The following TAS1R2 variants were observed in gnomAD, a reference collection of about 807,000 sequenced individuals.
TAS1R2 encodes taste receptor type 1 member 2.
A neutral mutation model predicts 49.3 loss-of-function variants in TAS1R2; 47 were observed. The ratio of observed to expected loss-of-function variants is 0.95; its 90% CI spans 0.75 to 1.22. The LOEUF (loss-of-function observed/expected upper bound fraction) is 1.22. Among genes scored for constraint, TAS1R2 ranks in the 50% most tolerant of loss-of-function variants. TAS1R2 has a pLI of 0.00. For synonymous variants in TAS1R2, 479 were observed against 467.9 expected (o/e 1.02, Z -0.31); for missense variants, 1,155 against 1,122.1 (o/e 1.03, Z -0.42).
chr1:18,858,003 G>A (rs1934171846), intron 1 of TAS1R2, among the ~76,000 whole-genome samples: 1 of 147,856 alleles, frequency 6.8e-6, no homozygotes, highest in South Asian at 2.2e-4. Context: ...TCACCACCAG[G>A]GCCATCACTG....
exon 1 of TAS1R2, chr1:18,859,520 G>A: frequency 1.9e-6 from 3 of 1,614,182 alleles, no homozygotes; most frequent in South Asian, 1.1e-5. Context: ...GGTGAACAAT[G>A]CCCTTCATGT....
At chr1:18,841,952 G>C in intron 4 of TAS1R2, 100 bp from the exon 5 acceptor site, 3 of 1,129,490 alleles carry the variant, frequency 2.7e-6, no homozygotes, top group Non-Finnish European at 1.2e-6. Flanking sequence ...AGGAAGCCTA[G>C]AAGCCCCCTA....
At position 18,854,412 on chromosome 1, in the gene TAS1R2, G is replaced by C; in HGVS notation, c.1058C>G (p.Thr353Ser). The C allele has an allele frequency of 1.2e-6, 2 of 1,613,990 alleles. No individual in the cohort carries two copies. Among genetic ancestry groups the C allele is most frequent in the East Asian group, 2.2e-5 (1 of 44,876 alleles). ...CTGGTTGCAGGTATAGCTCTGGCTG[G>C]TCCTGCTGAGGGGTGGCGGCCCAGC... The change falls in exon 3 of 6, where the codon ACC becomes AGC. Residue 353 changes from threonine (T) to serine (S), a missense_variant. Physicochemically the swap from Thr to Ser is moderately conservative, Grantham distance 58 (BLOSUM62 1). Coordinates refer to ENST00000375371, the Ensembl canonical transcript of TAS1R2. This position sits in a 1 kb window ranked among gnomAD's most constrained non-coding sequence, Gnocchi z 4.9.
At chr1:18,857,451 G>A (rs767059492) in exon 2 of TAS1R2, 3 of 1,614,216 alleles carry the variant, frequency 1.9e-6, no homozygotes, top group East Asian at 2.2e-5. Context: ...GGATGGGAAG[G>A]AGGTTGTCCT....
At chr1:18,858,346 C>A (rs1040684326) in intron 1 of TAS1R2, 1 of 152,514 alleles carries the variant, frequency 6.6e-6, no homozygotes, top group Admixed American at 6.6e-5. Context: ...AACACCATCA[C>A]CAGCATCACT....
chr1:18,854,651 GACCA>G lies in TAS1R2; in HGVS notation c.815_818del (p.Val272AlafsTer7). Reference sequence around the variant, plus strand: ...ACAGGGTCAGGTCGGGCGAGAACACGACCACGACGCGCGCTGTGCTCTGCTGCAG... The same window carrying G: ...ACAGGGTCAGGTCGGGCGAGAACACGCGACGCGCGCTGTGCTCTGCTGCAG... On this transcript the variant is annotated frameshift_variant, in exon 3 of 6. Transcript: ENST00000375371. LOFTEE classifies it high-confidence loss of function. This position sits in a 1 kb window ranked among gnomAD's most constrained non-coding sequence, Gnocchi z 4.9. 1 of 1,613,990 alleles carries G rather than the reference GACCA, an allele frequency of 6.2e-7. No homozygotes were observed. Among genetic ancestry groups the G allele is most frequent in the Non-Finnish European group, 8.5e-7 (1 of 1,179,994 alleles).
Position 18,854,437 on chromosome 1 carries a change from C to A in TAS1R2, c.1033G>T (p.Ala345Ser). 1 of 1,614,136 alleles carries A rather than the reference C, an allele frequency of 6.2e-7. No individual in the cohort carries two copies. The highest frequency in any genetic ancestry group is 1.3e-5 in the African/African-American group (1 of 75,060). Reference sequence around the variant, plus strand: ...GTCCTGCTGAGGGGTGGCGGCCCAGCCTGTGGGCCCCACTCGCGGAACTCA... The same window carrying A: ...GTCCTGCTGAGGGGTGGCGGCCCAGACTGTGGGCCCCACTCGCGGAACTCA... The change falls in exon 3 of 6, where the codon GCT (alanine) becomes TCT (serine). Residue 345 changes from alanine (A) to serine (S), a missense_variant. Physicochemically the swap from Ala to Ser is moderately conservative, Grantham distance 99. Coordinates refer to ENST00000375371, the Ensembl canonical transcript of TAS1R2. The surrounding 1 kb of genome is among the most constrained non-coding windows in gnomAD (Gnocchi z 4.9).
chr1:18,839,909 A>G (rs745374874), exon 6 of TAS1R2: 2 of 1,614,240 alleles, frequency 1.2e-6, no homozygotes, highest in South Asian at 2.2e-5. Context: ...CACTGAGAGC[A>G]GCAGGTCCAG....
Position 18,841,782 on chromosome 1 carries a change from CA to C in TAS1R2, c.1537del (p.Cys513AlafsTer73), listed in dbSNP as rs766466008. 1 of 1,614,000 alleles carries C rather than the reference CA, an allele frequency of 6.2e-7. No individual in the cohort carries two copies. Reference sequence around the variant, plus strand: ...AAGGCAGTCGATGCACTCGAAGCAGCAGACGTGGATGCCCACAGGCTTCTTC... The same window carrying C: ...AAGGCAGTCGATGCACTCGAAGCAGCGACGTGGATGCCCACAGGCTTCTTC... On this transcript the variant is annotated frameshift_variant, in exon 5 of 6. Coordinates refer to ENST00000375371, the Ensembl canonical transcript of TAS1R2. LOFTEE classifies it high-confidence loss of function.
chr1:18,857,721 C>G, intron 1 of TAS1R2, 90 bp from the exon 2 acceptor site: 1 of 1,448,778 alleles, frequency 6.9e-7, no homozygotes, highest in African/African-American at 1.4e-5. Context: ...CTTCCTGCCA[C>G]AGGAAAGCCA....
chr1:18,845,968 C>G (rs747004027), intron 4 of TAS1R2, among the ~76,000 whole-genome samples: 1 of 152,184 alleles, frequency 6.6e-6, no homozygotes, highest in African/African-American at 2.4e-5. Flanking sequence ...GCCAAACTCC[C>G]TTTCTGTTAG....
intron 4 of TAS1R2, 37 bp downstream of exon 4, chr1:18,849,304 C>G (rs763025404): frequency 1.2e-6 from 2 of 1,610,192 alleles, no homozygotes; most frequent in East Asian, 4.5e-5. Flanking sequence ...CCAGGCCCCG[C>G]CCCAGGCCTG....
At chr1:18,857,352 G>A in exon 2 of TAS1R2, 2 of 1,614,028 alleles carry the variant, frequency 1.2e-6, no homozygotes, top group Non-Finnish European at 1.7e-6. Flanking sequence ...GAAATAGGGA[G>A]AGGAAGTTGG....
At chr1:18,840,658 G>A (rs1447159817) in intron 5 of TAS1R2, 131 bp from the exon 6 acceptor site, 1 of 869,130 alleles carries the variant, frequency 1.2e-6, no homozygotes, top group Non-Finnish European at 1.8e-6. Context: ...TTCACAGCCA[G>A]TACTCCTCAA....
At chr1:18,839,911 C>T (rs1217222381) in exon 6 of TAS1R2, 1 of 1,614,254 alleles carries the variant, frequency 6.2e-7, no homozygotes. Context: ...CTGAGAGCAG[C>T]AGGTCCAGGC....
rs760329980 is a variant in TAS1R2, at chr1:18,839,766, C to T, written c.2353G>A (p.Gly785Arg). The change falls in exon 6 of 6, where the codon GGG becomes AGG. Residue 785 changes from glycine (G) to arginine (R), a missense_variant. Transcript: ENST00000375371. The stretch of plus-strand genomic sequence containing the variant: ...AGGTCCACGATGGTGACCAGCACCC[C>T]GCTGTAGGCAGACATGAAGGTGCAG... 3.3e-5 allele frequency: 53 copies of T among 1,614,066 alleles called. 1 individual carries two copies. Among genetic ancestry groups the T allele is most frequent in the East Asian group, 1.1e-4 (5 of 44,880 alleles).
chr1:18,848,829 C>G (rs912239166), intron 4 of TAS1R2, among the ~76,000 whole-genome samples: 3 of 152,212 alleles, frequency 2.0e-5, no homozygotes, highest in African/African-American at 7.2e-5. Flanking sequence ...TGCAGGAAAA[C>G]AAGCTCAGGG....
intron 4 of TAS1R2, among the ~76,000 whole-genome samples, chr1:18,842,103 A>G (rs1234275975): frequency 6.6e-6 from 1 of 152,194 alleles, no homozygotes; most frequent in Non-Finnish European, 1.5e-5. Flanking sequence ...AAACCATTTT[A>G]CCAGAACCCA....
chr1:18,841,981 G>GTA, intron 4 of TAS1R2, 129 bp from the exon 5 acceptor site: 1,659 of 360,424 alleles, frequency 4.6e-3, no homozygotes, highest in East Asian at 7.3e-3. Context: ...GGTGGAAACT[G>GTA]TAGAAAAAAA....
Sources: gnomAD v4.1 joint callset for allele counts (sites outside exome capture counted in the v4.1 genomes callset) on GRCh38, gnomAD v4.1.1 for gene constraint, Gnocchi (gnomAD v3.1) non-coding constraint, MANE v1.5 for transcripts, NCBI Gene and HGNC (gene_info 2026-07-23, HGNC 2026-07-21) for gene names.